The following DHDDS variants were observed in gnomAD, a reference collection of about 807,000 sequenced individuals.
DHDDS encodes the protein dehydrodolichyl diphosphate synthase subunit, also known as dehydrodolichyl diphosphate synthase complex subunit DHDDS.
DHDDS carries 16 observed loss-of-function variants against 46.2 expected under a neutral mutation model. The observed-to-expected ratio is 0.35, with a 90% CI of 0.23 to 0.53. The LOEUF (loss-of-function observed/expected upper bound fraction) is 0.53. DHDDS is among the 20% of genes least tolerant of loss of function. DHDDS has a pLI of 0.94. For missense variants in DHDDS, 340 were observed against 423.7 expected, an observed-to-expected ratio of 0.80 and a Z score of 1.73; for synonymous variants, 151 against 163.1, an observed-to-expected ratio of 0.93 and a Z score of 0.56.
intron 8 of DHDDS, among the ~76,000 whole-genome samples, chr1:26,467,851 A>G (rs1053145689): frequency 1.3e-5 from 2 of 152,234 alleles, no homozygotes; most frequent in Non-Finnish European, 2.9e-5. Flanking sequence ...GCAGGAACAG[A>G]GAGGATCAGT....
At chr1:26,452,932 C>T (rs947709398) in intron 6 of DHDDS, among the ~76,000 whole-genome samples, 1 of 152,090 alleles carries the variant, frequency 6.6e-6, no homozygotes, top group Non-Finnish European at 1.5e-5. Flanking sequence ...GACCCTGTCT[C>T]TACAAAAATA....
At chr1:26,440,863 T>C (rs2075211327) in intron 3 of DHDDS, among the ~76,000 whole-genome samples, 1 of 152,110 alleles carries the variant, frequency 6.6e-6, no homozygotes, top group Non-Finnish European at 1.5e-5. Context: ...CCTCCACCTC[T>C]CAACATTGTT....
At chr1:26,455,730 C>T (rs375970156) in intron 6 of DHDDS, among the ~76,000 whole-genome samples, 4 of 151,874 alleles carry the variant, frequency 2.6e-5, no homozygotes, top group African/African-American at 7.2e-5. Flanking sequence ...TGGGTGACAG[C>T]GCAAGACTCC....
Position 26,467,257 on chromosome 1 carries a change from G to A in DHDDS, c.766-1638G>A, listed in dbSNP as rs1268371839. The A allele has an allele frequency of 1.5e-5, 7 of 460,486 alleles. No individual in the cohort carries two copies. The East Asian group carries it at 2.1e-4, about 14-fold the overall frequency. 28.5% of individuals were successfully genotyped at this position (460,486 alleles called of 1,614,324 possible). ...CTGGATTGCTGGGATCGTGTCCTGC[G>A]CATCTCCATATCCTCAAAAAAAATC... On this transcript the variant is annotated intron_variant, in intron 8 of 8. Transcript: ENST00000236342.
At chr1:26,453,145 A>G (rs1422208558) in intron 6 of DHDDS, among the ~76,000 whole-genome samples, 1 of 152,142 alleles carries the variant, frequency 6.6e-6, no homozygotes, top group African/African-American at 2.4e-5. Context: ...ATAAATATTT[A>G]TAACACATGA....
At chr1:26,461,322 G>T (rs1385360285) in intron 8 of DHDDS, among the ~76,000 whole-genome samples, 4 of 151,552 alleles carry the variant, frequency 2.6e-5, no homozygotes, top group Admixed American at 2.6e-4. Context: ...AAAAATCGCA[G>T]ATCACTCAAA....
chr1:26,456,926 A>G (rs1334681732), intron 6 of DHDDS, among the ~76,000 whole-genome samples: 2 of 152,180 alleles, frequency 1.3e-5, no homozygotes, highest in African/African-American at 4.8e-5. Context: ...GATTTTGGAC[A>G]TCTTTCCAAA....
In DHDDS at chr1:26,459,558, T is replaced by C. The variant is rs551957905; in HGVS notation, c.658-479T>C. Among the ~76,000 whole-genome samples, 20 of 152,334 alleles carry C rather than the reference T, an allele frequency of 1.3e-4. 1 individual carries two copies. In the East Asian group the frequency reaches 2.9e-3, roughly 22 times the overall value. ...CCCTGCTCAAATAAATGGTAAATGG[T>C]TGGAGCCAAAATTCAAAGCCAGGCA... On this transcript the variant is annotated intron_variant, in intron 7 of 8. Transcript: ENST00000236342.
chr1:26,457,888 G>T lies in DHDDS; in HGVS notation c.640G>T (p.Asp214Tyr). ...IRTSGEVRLS[D>Y]FLLWQTSHSC... is the part of the protein sequence containing the mutation. ...GACTTCTGGAGAAGTGCGGCTGAGT[G>T]ACTTCTTGCTATGGCAGGTAGGTCA... The change falls in exon 7 of 9, where the codon GAC becomes TAC. Residue 214 changes from aspartate (D) to tyrosine (Y), a missense_variant. Around this residue, in one of 2 missense-constraint regions of DHDDS, gnomAD observed 268 missense variants for 300.3 expected, o/e 0.89. Coordinates refer to ENST00000236342, the MANE Select transcript of DHDDS (RefSeq NM_205861.3). 6.2e-7 allele frequency: 1 copy of T among 1,613,888 alleles called. No individual in the cohort carries two copies. Among genetic ancestry groups the T allele is most frequent in the South Asian group, 1.1e-5 (1 of 91,064 alleles).
At position 26,460,162 on chromosome 1, in the gene DHDDS, G is replaced by T. The variant is rs748452578; in HGVS notation, c.765+18G>T. 3 of 1,590,368 alleles carry T rather than the reference G, an allele frequency of 1.9e-6. No homozygotes were observed. In the African/African-American group the frequency reaches 4.0e-5, roughly 21 times the overall value. Reference sequence around the variant, plus strand: ...TGCTTCAGGTAAGAAAGAGTTCAGGGCTGGCCAGATGGGATGGGATGGAAG... The same window carrying T: ...TGCTTCAGGTAAGAAAGAGTTCAGGTCTGGCCAGATGGGATGGGATGGAAG... On this transcript the variant is annotated intron_variant, in intron 8 of 8. Coordinates refer to ENST00000236342, the MANE Select transcript of DHDDS (RefSeq NM_205861.3).
chr1:26,433,475 C>T (rs955175822), intron 2 of DHDDS, among the ~76,000 whole-genome samples: 1 of 151,846 alleles, frequency 6.6e-6, no homozygotes, highest in Non-Finnish European at 1.5e-5. Flanking sequence ...ATGGCAAAAC[C>T]CCGATTCTCC....
chr1:26,438,824 C>G (rs536115714), intron 3 of DHDDS: 4 of 163,158 alleles, frequency 2.5e-5, no homozygotes, highest in African/African-American at 9.6e-5. Context: ...TTTAATAAAT[C>G]AATAGTTTAT....
At chr1:26,444,254 G>A (rs1334954461) in intron 4 of DHDDS, among the ~76,000 whole-genome samples, 1 of 152,222 alleles carries the variant, frequency 6.6e-6, no homozygotes, top group African/African-American at 2.4e-5. Flanking sequence ...ATGTGCCACA[G>A]AACCCCAAGG....
intron 8 of DHDDS, among the ~76,000 whole-genome samples, chr1:26,461,710 C>T (rs2075424270): frequency 6.6e-6 from 1 of 152,180 alleles, no homozygotes; most frequent in East Asian, 1.9e-4. Flanking sequence ...TAAGGGGGTT[C>T]ACATAACTGC....
intron 6 of DHDDS, chr1:26,455,206 G>A: frequency 1.4e-6 from 1 of 723,256 alleles, no homozygotes. Flanking sequence ...ATTACCTCAG[G>A]CCGCTTAGGG....
chr1:26,467,300 G>A, intron 8 of DHDDS: 1 of 471,142 alleles, frequency 2.1e-6, no homozygotes. Context: ...TAGCACCCAG[G>A]GAGCCTCCTG....
At chr1:26,439,479 G>A (rs1031479822) in intron 3 of DHDDS, among the ~76,000 whole-genome samples, 2 of 151,986 alleles carry the variant, frequency 1.3e-5, no homozygotes, top group Non-Finnish European at 2.9e-5. Flanking sequence ...CTACTTACGA[G>A]ACTGAGGTGG....
Position 26,455,846 on chromosome 1 carries a change from G to A in DHDDS, c.543-1945G>A, listed in dbSNP as rs139986246. On this transcript the variant is annotated intron_variant, in intron 6 of 8. Transcript: ENST00000236342. ...GATCTTTCTGCTTTCCTGACCATGC[G>A]TCCAGAAACATGTTCCCACCAAGAA... Among the ~76,000 whole-genome samples, 88 of 152,188 alleles carry A rather than the reference G, an allele frequency of 5.8e-4. 3 individuals are homozygous for A. The East Asian group carries it at 0.014, about 24-fold the overall frequency.
In DHDDS at chr1:26,438,244, G is replaced by T; in HGVS notation, c.140G>T (p.Arg47Leu). The change falls in exon 3 of 9, where the codon CGG (arginine) becomes CTG (leucine). Residue 47 changes from arginine to leucine, a missense_variant. Transcript: ENST00000236342. Reference sequence around the variant, plus strand: ...TATGCCAAGAAGTGCCAGGTGGAGCGGCAGGAAGGCCACTCACAGGGCTTC... The same window carrying T: ...TATGCCAAGAAGTGCCAGGTGGAGCTGCAGGAAGGCCACTCACAGGGCTTC... ...RRYAKKCQVE[R>L]QEGHSQGFNK... 1.9e-6 allele frequency: 3 copies of T among 1,614,034 alleles called. No individual in the cohort carries two copies. Among genetic ancestry groups the T allele is most frequent in the Non-Finnish European group, 2.5e-6 (3 of 1,179,944 alleles).
Sources: gnomAD v4.1 joint callset for allele counts (sites outside exome capture counted in the v4.1 genomes callset) on GRCh38, gnomAD v4.1.1 for gene constraint, gnomAD v4.1.1 regional missense constraint, MANE v1.5 for transcripts, NCBI Gene and HGNC (gene_info 2026-07-23, HGNC 2026-07-21) for gene names.